The following TSHZ2 variants were observed in gnomAD, a reference collection of about 807,000 sequenced individuals.
TSHZ2 encodes teashirt zinc finger homeobox 2.
TSHZ2 carries 21 observed loss-of-function variants against 74.4 expected under a neutral mutation model. The observed-to-expected ratio is 0.28, with a 90% confidence interval of 0.20 to 0.41. The LOEUF (loss-of-function observed/expected upper bound fraction) is 0.41. Among genes scored for constraint, TSHZ2 ranks in the 10% least tolerant of loss-of-function variants. The probability of loss-of-function intolerance (pLI) is 1.00; values close to 1 mark genes in which losing one functional copy is unlikely to be tolerated. For synonymous variants in TSHZ2, 540 were observed against 515.3 expected, an observed-to-expected ratio of 1.05 and a Z score of -0.65; for missense variants, 1,244 against 1,293.5, an observed-to-expected ratio of 0.96 and a Z score of 0.59.
intron 2 of TSHZ2, among the ~76,000 whole-genome samples, chr20:53,276,805 G>T (rs532106195): frequency 6.6e-6 from 1 of 152,146 alleles, no homozygotes; most frequent in African/African-American, 2.4e-5. Flanking sequence ...GGGACCACAC[G>T]TTGAGAACCA....
chr20:53,256,074 C>A lies in TSHZ2; in HGVS notation c.2616C>A (p.Tyr872Ter). The stretch of plus-strand genomic sequence containing the variant: ...TCTTCCAGACATCAGAGGGCAAATA[C>A]CTGCTGTCTGATCTGGGCCCACAAG... ...SSLFQTSEGK[Y>*]LLSDLGPQER... The change falls in exon 2 of 3, where the codon TAC becomes TAA. Residue 872 changes from tyrosine to a stop codon, truncating the protein, a stop_gained. Coordinates refer to ENST00000371497, the MANE Select transcript of TSHZ2 (RefSeq NM_173485.6). LOFTEE classifies it high-confidence loss of function. The surrounding 1 kb of genome is among the most constrained non-coding windows in gnomAD (Gnocchi z 4.3). 6.2e-7 allele frequency: 1 copy of A among 1,614,156 alleles called. No homozygotes were observed.
intron 2 of TSHZ2, among the ~76,000 whole-genome samples, chr20:53,293,962 G>A (rs1991329643): frequency 6.6e-6 from 1 of 152,224 alleles, no homozygotes; most frequent in Middle Eastern, 3.4e-3. Flanking sequence ...GTTGCAATGG[G>A]CCGAGAGATC....
chr20:52,999,694 C>T (rs1031952240), intron 1 of TSHZ2, among the ~76,000 whole-genome samples: 43 of 152,148 alleles, frequency 2.8e-4, no homozygotes, highest in African/African-American at 1.0e-3. Flanking sequence ...ATCAGAATCG[C>T]CTCTAGAGCT....
chr20:53,050,113 A>ATATATATATATACACATATATATATGTG (rs1984383463), intron 1 of TSHZ2, among the ~76,000 whole-genome samples: 9 of 97,998 alleles, frequency 9.2e-5, no homozygotes, highest in Non-Finnish European at 1.2e-4. Flanking sequence ...GTATATATAT[A>ATATATATATATACACATATATATATGTG]TATATATATA....
chr20:53,286,929 A>ACAC (rs1198384624), intron 2 of TSHZ2, among the ~76,000 whole-genome samples: 1 of 147,652 alleles, frequency 6.8e-6, no homozygotes, highest in African/African-American at 2.5e-5. Context: ...ACACACACGT[A>ACAC]ACACTTCTGA....
At chr20:53,206,606 G>A (rs887815921) in intron 1 of TSHZ2, 1 of 152,248 alleles carries the variant, frequency 6.6e-6, no homozygotes, top group Non-Finnish European at 1.5e-5. Flanking sequence ...TATACCCTCT[G>A]TGAATGTAAA....
chr20:53,485,425 A>G (rs2145861861), intron 2 of TSHZ2, among the ~76,000 whole-genome samples: 1 of 152,268 alleles, frequency 6.6e-6, no homozygotes, highest in African/African-American at 2.4e-5. Context: ...AATGCATGGG[A>G]AGGCCAGACA....
At chr20:53,474,664 CTTTAAA>C (rs1481871178) in intron 2 of TSHZ2, among the ~76,000 whole-genome samples, 1 of 131,306 alleles carries the variant, frequency 7.6e-6, no homozygotes, top group Non-Finnish European at 1.6e-5. Context: ...ACAGTATTAA[CTTTAAA>C]TGTAAATGGA....
At chr20:53,472,373 C>T (rs1182495962) in intron 2 of TSHZ2, among the ~76,000 whole-genome samples, 1 of 152,096 alleles carries the variant, frequency 6.6e-6, no homozygotes, top group East Asian at 1.9e-4. Context: ...AGTGAGGGCA[C>T]AGTCAAAGAC....
chr20:53,409,468 A>C (rs1982968440), intron 2 of TSHZ2, among the ~76,000 whole-genome samples: 1 of 152,164 alleles, frequency 6.6e-6, no homozygotes, highest in African/African-American at 2.4e-5. Context: ...GTACCAAAAA[A>C]AAAAAGTGTC....
intron 1 of TSHZ2, among the ~76,000 whole-genome samples, chr20:53,007,307 G>A (rs1378406186): frequency 6.6e-6 from 1 of 152,192 alleles, no homozygotes; most frequent in East Asian, 1.9e-4. Context: ...ATCGGCTCCA[G>A]TGAGAAAGAG....
intron 1 of TSHZ2, among the ~76,000 whole-genome samples, chr20:53,236,577 T>C (rs1989944184): frequency 1.3e-5 from 2 of 152,134 alleles, no homozygotes; most frequent in Non-Finnish European, 1.5e-5. Context: ...GGGCACTGGG[T>C]CTGGGGTCTA....
intron 2 of TSHZ2, among the ~76,000 whole-genome samples, chr20:53,319,750 TG>T (rs1427801398): frequency 6.6e-6 from 1 of 152,200 alleles, no homozygotes; most frequent in Non-Finnish European, 1.5e-5. Flanking sequence ...ATCTAAAAAA[TG>T]GGGACAAAAT....
intron 2 of TSHZ2, among the ~76,000 whole-genome samples, chr20:53,267,228 C>T (rs1990739378): frequency 6.6e-6 from 1 of 152,078 alleles, no homozygotes. Flanking sequence ...GGAAGGGCCT[C>T]AGAGCTAGTG....
chr20:53,134,012 G>T, intron 1 of TSHZ2, among the ~76,000 whole-genome samples: 1 of 147,446 alleles, frequency 6.8e-6, no homozygotes. Flanking sequence ...GCAAGACCTT[G>T]ATACTATCTG....
rs779178148 is a variant in TSHZ2 at position 53,489,048 on chromosome 20, T to C, written c.*1913T>C. On this transcript the variant is annotated 3_prime_UTR_variant, in exon 3 of 3. Coordinates refer to ENST00000371497, the MANE Select transcript of TSHZ2 (RefSeq NM_173485.6). ...AAAATATACCCCTCACATCATCGGATTGAGATGGCAGTCGAAATAGCTTCA... is the reference window on the plus strand; with the variant it reads ...AAAATATACCCCTCACATCATCGGACTGAGATGGCAGTCGAAATAGCTTCA... The C allele has an allele frequency of 1.5e-5, 7 of 456,150 alleles. No homozygotes were observed. The highest frequency in any genetic ancestry group is 1.1e-4 in the South Asian group (7 of 64,568). The allele number at this position is 456,150 out of a possible 1,614,324, so 28.3% of individuals were successfully genotyped here. A position where few individuals can be genotyped will look rare whatever the true frequency, so the allele number is the denominator to read the frequency against.
At chr20:53,223,611 G>C (rs1274909650) in intron 1 of TSHZ2, among the ~76,000 whole-genome samples, 2 of 152,032 alleles carry the variant, frequency 1.3e-5, no homozygotes, top group African/African-American at 4.8e-5. Context: ...GCCCAGGCTG[G>C]TCTCAAACTC....
intron 1 of TSHZ2, among the ~76,000 whole-genome samples, chr20:53,157,440 TC>T (rs1210649940): frequency 6.7e-6 from 1 of 149,554 alleles, no homozygotes; most frequent in East Asian, 2.0e-4. Context: ...AGGATCTTGC[TC>T]TGTTGTCCAG....
chr20:53,039,006 C>T (rs566518940), intron 1 of TSHZ2, among the ~76,000 whole-genome samples: 1 of 152,136 alleles, frequency 6.6e-6, no homozygotes, highest in Admixed American at 6.5e-5. Flanking sequence ...AAGCCATTCT[C>T]CTGACTCAGC....
Sources: allele counts gnomAD v4.1 joint callset (sites outside exome capture counted in the v4.1 genomes callset), GRCh38; gene constraint gnomAD v4.1.1; non-coding constraint Gnocchi (gnomAD v3.1); transcripts MANE v1.5; gene names NCBI Gene and HGNC (gene_info 2026-07-23, HGNC 2026-07-21).